CDH12: variants seen among roughly 807,000 people sequenced by gnomAD.
CDH12 encodes the protein cadherin-12.
In CDH12, 41 loss-of-function variants were observed where a neutral mutation model predicts 74.1. That is an observed-to-expected ratio of 0.55 (90% CI 0.43 to 0.72). The LOEUF (loss-of-function observed/expected upper bound fraction) is 0.72, where lower values mean the gene tolerates loss of function less well. CDH12 is among the 30% of genes least tolerant of loss of function. The pLI is 0.00. For synonymous variants in CDH12, 399 were observed against 355.0 expected, an observed-to-expected ratio of 1.12 and a Z score of -1.39; for missense variants, 945 against 977.2, an observed-to-expected ratio of 0.97 and a Z score of 0.44.
intron 4 of CDH12, among the ~76,000 whole-genome samples, chr5:22,130,592 T>A: frequency 6.6e-6 from 1 of 151,822 alleles, no homozygotes; most frequent in Non-Finnish European, 1.5e-5. Flanking sequence ...GAAATAGACA[T>A]GGGTTCAAAT....
At chr5:21,956,305 G>A (rs1453372809) in intron 6 of CDH12, among the ~76,000 whole-genome samples, 1 of 151,666 alleles carries the variant, frequency 6.6e-6, no homozygotes, top group East Asian at 1.9e-4. Flanking sequence ...GGCACAAAAA[G>A]AAATGAGTAA....
intron 5 of CDH12, among the ~76,000 whole-genome samples, chr5:22,008,065 C>T (rs879870332): frequency 2.6e-5 from 4 of 152,040 alleles, no homozygotes; most frequent in Admixed American, 6.6e-5. Context: ...AGGTGGTAGA[C>T]GTCCTGCTTT....
intron 8 of CDH12, among the ~76,000 whole-genome samples, chr5:21,835,730 T>C (rs1421038122): frequency 6.6e-6 from 1 of 151,718 alleles, no homozygotes; most frequent in African/African-American, 2.4e-5. Context: ...TTAAAAAACA[T>C]TTCTTTAAAA....
chr5:22,376,993 T>C (rs1741558445), intron 3 of CDH12, among the ~76,000 whole-genome samples: 1 of 152,130 alleles, frequency 6.6e-6, no homozygotes, highest in South Asian at 2.1e-4. Context: ...TATTAGTTTA[T>C]AAATTACCAC....
At chr5:22,712,782 A>G (rs1323596524) in intron 1 of CDH12, among the ~76,000 whole-genome samples, 1 of 152,206 alleles carries the variant, frequency 6.6e-6, no homozygotes, top group Non-Finnish European at 1.5e-5. Flanking sequence ...AGGTGAAGCT[A>G]GGATGTGTAC....
At chr5:21,881,532 T>C (rs543821811) in intron 6 of CDH12, among the ~76,000 whole-genome samples, 2 of 152,182 alleles carry the variant, frequency 1.3e-5, no homozygotes, top group African/African-American at 2.4e-5. Context: ...AAGTTCTTCA[T>C]AAAATAACTA....
intron 5 of CDH12, among the ~76,000 whole-genome samples, chr5:22,016,435 C>T (rs1392801019): frequency 2.0e-5 from 3 of 151,796 alleles, no homozygotes; most frequent in East Asian, 1.9e-4. Context: ...CTTGTTTTGT[C>T]TCCAGGCTAG....
At chr5:22,136,989 C>T (rs1390614526) in intron 4 of CDH12, among the ~76,000 whole-genome samples, 61 of 151,214 alleles carry the variant, frequency 4.0e-4, no homozygotes, top group Admixed American at 4.0e-3. Flanking sequence ...CATGAGCTGA[C>T]ATCATGAAGA....
chr5:22,126,643 T>C (rs185661363), intron 4 of CDH12, among the ~76,000 whole-genome samples: 3,225 of 152,306 alleles, frequency 0.021, 120 homozygotes, highest in African/African-American at 0.075. Context: ...TTGCTCTATA[T>C]ATTTGATATA....
intron 4 of CDH12, among the ~76,000 whole-genome samples, chr5:22,141,753 T>C: frequency 6.6e-6 from 1 of 152,126 alleles, no homozygotes; most frequent in African/African-American, 2.4e-5. Context: ...TCACTGATTG[T>C]GGGTCTGAGG....
chr5:21,854,726 T>C lies in CDH12; in HGVS notation c.591A>G (p.Arg197=), dbSNP rs747616106. The part of the protein sequence containing the change: ...ADDPTYGNSA[R]VVYSILQGQP... ...GTCCCTGAAGAATGCTGTAAACGAC[T>C]CTGGCACTGTTTCCATAGGTCGGGT... The change falls in exon 7 of 15, where the codon AGA becomes AGG. Residue 197 remains arginine (R), a synonymous_variant. Coordinates refer to ENST00000382254, the MANE Select transcript of CDH12 (RefSeq NM_004061.5). 2.5e-6 allele frequency: 4 copies of C among 1,609,238 alleles called. No homozygotes were observed. The highest frequency in any genetic ancestry group is 3.4e-6 in the Non-Finnish European group (4 of 1,176,564).
At chr5:22,610,899 T>C (rs1461248712) in intron 1 of CDH12, among the ~76,000 whole-genome samples, 1 of 152,118 alleles carries the variant, frequency 6.6e-6, no homozygotes, top group Admixed American at 6.6e-5. Flanking sequence ...CTACATGATA[T>C]ACTCTTTGAT....
chr5:22,051,812 AG>A lies in CDH12; in HGVS notation c.231+26633del, dbSNP rs112892242. On this transcript the variant is annotated intron_variant, in intron 5 of 14. Transcript: ENST00000382254. Reference sequence around the variant, plus strand: ...GGGGAGTGAAAAGATTGAGAAAAAAAGAAAAAGAGCTGGACAGCCCTTTCAG... The same window carrying A: ...GGGGAGTGAAAAGATTGAGAAAAAAAAAAAAGAGCTGGACAGCCCTTTCAG... Among the ~76,000 whole-genome samples, 426 of 150,324 alleles carry A rather than the reference AG, an allele frequency of 2.8e-3. 2 individuals carry two copies. The highest frequency in any genetic ancestry group is 0.01 in the African/African-American group (402 of 39,716).
chr5:21,894,338 C>T (rs1753024504), intron 6 of CDH12, among the ~76,000 whole-genome samples: 3 of 147,666 alleles, frequency 2.0e-5, no homozygotes, highest in South Asian at 4.3e-4. Context: ...CAGATTGTGC[C>T]GCTGCACTCC....
Position 22,110,879 on chromosome 5 carries a change from C to A in CDH12, c.-186-32017G>T, listed in dbSNP as rs1054820874. 2.6e-5 allele frequency among the ~76,000 whole-genome samples: 4 copies of A among 152,078 alleles called. No homozygotes were observed. The East Asian group carries it at 7.7e-4, about 29-fold the overall frequency. ...ATCATTTAAACTATAAACTAAATGT[C>A]TCCCAAAGTTAGCTTGGCTTAAGCC... On this transcript the variant is annotated intron_variant, in intron 4 of 14. Coordinates refer to ENST00000382254, the MANE Select transcript of CDH12 (RefSeq NM_004061.5).
chr5:21,797,739 T>C (rs974721948), intron 10 of CDH12, among the ~76,000 whole-genome samples: 5 of 152,188 alleles, frequency 3.3e-5, no homozygotes, highest in Non-Finnish European at 7.4e-5. Context: ...TCTCTGTTCC[T>C]CACACCAGGG....
At chr5:21,823,876 C>CT (rs909993938) in intron 8 of CDH12, among the ~76,000 whole-genome samples, 16 of 150,040 alleles carry the variant, frequency 1.1e-4, no homozygotes, top group African/African-American at 3.2e-4. Context: ...ATGATACAAA[C>CT]TTTTTTTTTT....
At chr5:22,729,614 C>T (rs1488306744) in intron 1 of CDH12, among the ~76,000 whole-genome samples, 1 of 151,862 alleles carries the variant, frequency 6.6e-6, no homozygotes, top group Non-Finnish European at 1.5e-5. Flanking sequence ...ATTTGTTTCT[C>T]TTTAATATTT....
intron 3 of CDH12, among the ~76,000 whole-genome samples, chr5:22,369,091 T>C (rs1449809257): frequency 3.9e-5 from 6 of 152,062 alleles, no homozygotes; most frequent in African/African-American, 1.4e-4. Flanking sequence ...AATGCACCAC[T>C]GCACTCCAGC....
Sources: allele counts gnomAD v4.1 joint callset (sites outside exome capture counted in the v4.1 genomes callset), GRCh38; gene constraint gnomAD v4.1.1; transcripts MANE v1.5; gene names NCBI Gene and HGNC (gene_info 2026-07-23, HGNC 2026-07-21).